Variants in EHHADH observed in about 807,000 individuals in gnomAD.
EHHADH encodes enoyl-CoA hydratase and 3-hydroxyacyl CoA dehydrogenase.
In EHHADH, 48 loss-of-function variants were observed where a neutral mutation model predicts 64.4. That is an observed-to-expected ratio of 0.75 (90% confidence interval 0.59 to 0.95). The LOEUF is 0.95. Ranked by LOEUF, EHHADH falls within the 40% of genes least tolerant of loss-of-function variation. The pLI, the probability that EHHADH is intolerant of heterozygous loss-of-function variation, is 0.00. For missense variants in EHHADH, 854 were observed against 876.6 expected, an observed-to-expected ratio of 0.97 and a Z score of 0.33; for synonymous variants, 308 against 326.7, an observed-to-expected ratio of 0.94 and a Z score of 0.62.
chr3:185,222,543 T>C (rs1243489650), intron 4 of EHHADH, among the ~76,000 whole-genome samples: 1 of 152,214 alleles, frequency 6.6e-6, no homozygotes, highest in Non-Finnish European at 1.5e-5. Flanking sequence ...TGCAATTGTT[T>C]TATATTTTTG....
intron 2 of EHHADH, chr3:185,246,467 T>A (rs1352699438): frequency 2.5e-6 from 1 of 404,846 alleles, no homozygotes; most frequent in Non-Finnish European, 4.2e-6. Context: ...GGGCTCCGCA[T>A]GGATGGGAAG....
chr3:185,253,975 G>C lies in EHHADH; in HGVS notation c.48C>G (p.Leu16=). ...RLHNALALIR[L]RNPPVNAIST... is the part of the protein sequence containing the mutation. Reference sequence around the variant, plus strand: ...TGATCGCGTTGACCGGCGGGTTTCGGAGGCGGATTAGCGCCAAGGCGTTGT... The same window carrying C: ...TGATCGCGTTGACCGGCGGGTTTCGCAGGCGGATTAGCGCCAAGGCGTTGT... Residue 16 remains leucine, a synonymous_variant, in exon 1 of 7, where the codon CTC becomes CTG. Coordinates refer to ENST00000231887, the MANE Select transcript of EHHADH (RefSeq NM_001966.4). The C allele has an allele frequency of 6.2e-7, 1 of 1,614,000 alleles. No individual in the cohort carries two copies. Among genetic ancestry groups the C allele is most frequent in the Non-Finnish European group, 8.5e-7 (1 of 1,179,948 alleles).
chr3:185,222,132 C>T (rs1718852555), intron 4 of EHHADH, among the ~76,000 whole-genome samples: 1 of 151,958 alleles, frequency 6.6e-6, no homozygotes, highest in Admixed American at 6.6e-5. Context: ...GTAATCCCAG[C>T]ACTTTGGGAG....
chr3:185,196,739 T>A (rs1038205833), intron 6 of EHHADH, among the ~76,000 whole-genome samples: 12 of 152,164 alleles, frequency 7.9e-5, no homozygotes, highest in Admixed American at 2.0e-4. Context: ...CGGTGGCTCA[T>A]GCCTGTAATC....
At chr3:185,219,360 G>T (rs1219439730) in intron 4 of EHHADH, among the ~76,000 whole-genome samples, 3 of 152,186 alleles carry the variant, frequency 2.0e-5, no homozygotes, top group Non-Finnish European at 4.4e-5. Flanking sequence ...TCTGTTGAGG[G>T]TTTTTAGCTT....
chr3:185,195,029 T>A (rs1166052792), intron 6 of EHHADH, among the ~76,000 whole-genome samples: 1 of 152,086 alleles, frequency 6.6e-6, no homozygotes, highest in East Asian at 1.9e-4. Context: ...GATATCCACA[T>A]GCAAAAGAAT....
chr3:185,221,577 C>CTTTTTTTTTTTTTTTT (rs10663266), intron 4 of EHHADH, among the ~76,000 whole-genome samples: 3 of 130,728 alleles, frequency 2.3e-5, no homozygotes, highest in Non-Finnish European at 4.7e-5. Flanking sequence ...ATTTTTTTTT[C>CTTTTTTTTTTTTTTTT]TTTTTTTTTT....
chr3:185,200,678 T>C (rs1341942916), intron 6 of EHHADH, among the ~76,000 whole-genome samples: 1 of 152,196 alleles, frequency 6.6e-6, no homozygotes, highest in Non-Finnish European at 1.5e-5. Context: ...AGGAACCTCT[T>C]CTACTCAGAG....
chr3:185,201,209 G>A (rs1395377924), intron 6 of EHHADH, among the ~76,000 whole-genome samples: 1 of 152,106 alleles, frequency 6.6e-6, no homozygotes, highest in African/African-American at 2.4e-5. Context: ...ATGTCCCTGA[G>A]TCTGAGGAGG....
At chr3:185,233,822 T>G (rs1181103896) in intron 3 of EHHADH, among the ~76,000 whole-genome samples, 1 of 152,182 alleles carries the variant, frequency 6.6e-6, no homozygotes, top group Non-Finnish European at 1.5e-5. Context: ...ATTTTTGTAT[T>G]TTTAGTAGAG....
At position 185,245,630 on chromosome 3, in the gene EHHADH, T is replaced by C. The variant is rs571684276; in HGVS notation, c.178+2784A>G. On this transcript the variant is annotated intron_variant, in intron 2 of 6. Transcript: ENST00000231887. ...TGATCAGCATGTGTGACAAGTGACA[T>C]ACTCCTTGATAAATCTTAAGACATT... 29 of 726,676 alleles carry C rather than the reference T, an allele frequency of 4.0e-5. No individual in the cohort carries two copies. In the Middle Eastern group the frequency reaches 1.1e-3, roughly 27 times the overall value. The allele number at this position is 726,676 out of a possible 1,614,324, so 45.0% of individuals were successfully genotyped here.
chr3:185,253,589 T>TAAAA (rs113367839), intron 1 of EHHADH, among the ~76,000 whole-genome samples: 1 of 147,300 alleles, frequency 6.8e-6, no homozygotes, highest in Non-Finnish European at 1.5e-5. Flanking sequence ...AAAAGAAAAA[T>TAAAA]AAAAAGTCGG....
At chr3:185,238,386 A>T (rs185051712) in intron 2 of EHHADH, among the ~76,000 whole-genome samples, 4 of 152,194 alleles carry the variant, frequency 2.6e-5, no homozygotes, top group Non-Finnish European at 4.4e-5. Context: ...ACAGTGTATA[A>T]GCATTCCCTT....
intron 4 of EHHADH, among the ~76,000 whole-genome samples, chr3:185,222,274 T>C (rs1718858331): frequency 6.6e-6 from 1 of 152,096 alleles, no homozygotes; most frequent in East Asian, 1.9e-4. Context: ...ACCCAGCTAC[T>C]TGGGAGGCTG....
intron 6 of EHHADH, among the ~76,000 whole-genome samples, chr3:185,195,417 T>C (rs998866070): frequency 6.6e-6 from 1 of 152,198 alleles, no homozygotes; most frequent in East Asian, 1.9e-4. Flanking sequence ...ATTTTTTAAA[T>C]GGTACAGTTG....
intron 5 of EHHADH, among the ~76,000 whole-genome samples, chr3:185,213,917 A>G (rs1165228783): frequency 6.6e-6 from 1 of 150,766 alleles, no homozygotes; most frequent in Non-Finnish European, 1.5e-5. Flanking sequence ...GAGAAAAAAG[A>G]GGAAAGTGGG....
chr3:185,251,504 C>T (rs1342394101), intron 1 of EHHADH, among the ~76,000 whole-genome samples: 1 of 152,054 alleles, frequency 6.6e-6, no homozygotes, highest in Admixed American at 6.6e-5. Flanking sequence ...CAGGCATGTC[C>T]TATACTTATA....
intron 3 of EHHADH, among the ~76,000 whole-genome samples, chr3:185,230,175 G>T (rs574242873): frequency 2.5e-4 from 38 of 152,316 alleles, no homozygotes; most frequent in African/African-American, 8.2e-4. Context: ...AATAACAGGT[G>T]TTGGAGAGGA....
At position 185,202,677 on chromosome 3, in the gene EHHADH, A is replaced by G. The variant is rs189080371; in HGVS notation, c.910+1739T>C. 5.0e-4 allele frequency among the ~76,000 whole-genome samples: 76 copies of G among 152,262 alleles called. No individual in the cohort carries two copies. The East Asian group carries it at 6.6e-3, about 13-fold the overall frequency. On this transcript the variant is annotated intron_variant, in intron 6 of 6. Coordinates refer to ENST00000231887, the MANE Select transcript of EHHADH (RefSeq NM_001966.4). ...AGACTCTCACAGGAGCGCGAACCCT[A>G]TTGTGAACTGCGCATGTGAGGGATC...
Sources: gnomAD v4.1 joint callset for allele counts (sites outside exome capture counted in the v4.1 genomes callset) on GRCh38, gnomAD v4.1.1 for gene constraint, MANE v1.5 for transcripts, NCBI Gene and HGNC (gene_info 2026-07-23, HGNC 2026-07-21) for gene names.